Variants in MARCHF4 observed in about 807,000 individuals in gnomAD.
MARCHF4 encodes membrane associated ring-CH-type finger 4.
MARCHF4 carries 14 observed loss-of-function variants against 43.9 expected under a neutral mutation model. That is an observed-to-expected ratio of 0.32 (90% CI 0.21 to 0.50). MARCHF4 has a LOEUF of 0.50. MARCHF4 is among the 20% of genes least tolerant of loss of function. The probability of loss-of-function intolerance (pLI) is 0.98; values close to 1 mark genes in which losing one functional copy is unlikely to be tolerated. For missense variants in MARCHF4, 468 were observed against 536.7 expected (o/e 0.87, Z 1.27); for synonymous variants, 226 against 213.3 (o/e 1.06, Z -0.52).
chr2:216,291,914 A>C (rs190006545), intron 1 of MARCHF4, among the ~76,000 whole-genome samples: 1 of 152,084 alleles, frequency 6.6e-6, no homozygotes, highest in African/African-American at 2.4e-5. Flanking sequence ...CTGTCCACCA[A>C]ATTTACCCAC....
At chr2:216,272,974 G>A (rs559941485) in intron 3 of MARCHF4, among the ~76,000 whole-genome samples, 1 of 152,354 alleles carries the variant, frequency 6.6e-6, no homozygotes, top group East Asian at 1.9e-4. Flanking sequence ...TTCTCCGAGA[G>A]TCACTGCTCT....
intron 1 of MARCHF4, among the ~76,000 whole-genome samples, chr2:216,345,101 C>G (rs1019318925): frequency 6.6e-6 from 1 of 152,026 alleles, no homozygotes; most frequent in African/African-American, 2.4e-5. Flanking sequence ...AAGTTGGGAA[C>G]AGCTGCTAGG....
At chr2:216,270,776 C>T (rs942153264) in intron 3 of MARCHF4, among the ~76,000 whole-genome samples, 4 of 152,116 alleles carry the variant, frequency 2.6e-5, no homozygotes, top group African/African-American at 9.7e-5. Context: ...ATTCCCCACT[C>T]AAGCCACACT....
chr2:216,286,561 A>C (rs1212667603), intron 1 of MARCHF4, among the ~76,000 whole-genome samples: 4 of 151,972 alleles, frequency 2.6e-5, no homozygotes, highest in East Asian at 3.9e-4. Context: ...AAGCAAGGAC[A>C]ACAAACTGTT....
At chr2:216,325,005 G>A (rs1363727213) in intron 1 of MARCHF4, among the ~76,000 whole-genome samples, 20 of 151,876 alleles carry the variant, frequency 1.3e-4, no homozygotes, top group Non-Finnish European at 2.4e-4. Flanking sequence ...TATTCAATTA[G>A]GAGAAGAGGA....
intron 1 of MARCHF4, among the ~76,000 whole-genome samples, chr2:216,320,900 C>T (rs372993685): frequency 5.8e-4 from 83 of 143,900 alleles, no homozygotes; most frequent in South Asian, 2.0e-3. Flanking sequence ...AGTCTGGTCT[C>T]GAACTCCTGA....
chr2:216,277,757 G>A lies in MARCHF4; in HGVS notation c.780C>T (p.Phe260=), dbSNP rs139354980. The A allele has an allele frequency of 3.1e-6, 5 of 1,614,084 alleles. No individual in the cohort carries two copies. The African/African-American group carries it at 6.7e-5, about 22-fold the overall frequency. Residue 260 remains phenylalanine, a synonymous_variant, in exon 3 of 4, where the codon TTC becomes TTT. Transcript: ENST00000273067. ...GGCGCTGCCATCTTGCCGAGGGGCT[G>A]AAAGTTGACCAGATGAGCCAAGAAA... ...ASISWLIWST[F]SPSARWQRQD... is the part of the protein sequence containing the mutation.
At chr2:216,291,146 CAGG>C (rs1406768827) in intron 1 of MARCHF4, among the ~76,000 whole-genome samples, 1 of 151,912 alleles carries the variant, frequency 6.6e-6, no homozygotes, top group East Asian at 1.9e-4. Context: ...GTTTAGAGGT[CAGG>C]AGATGTAGAA....
chr2:216,304,580 T>G (rs6756522), intron 1 of MARCHF4, among the ~76,000 whole-genome samples: 1 of 152,172 alleles, frequency 6.6e-6, no homozygotes, highest in Non-Finnish European at 1.5e-5. Context: ...AAATAGGAGA[T>G]GCATCATTCC....
chr2:216,283,789 A>T, intron 1 of MARCHF4, 60 bp from the exon 2 acceptor site: 5 of 1,494,672 alleles, frequency 3.3e-6, no homozygotes, highest in African/African-American at 1.4e-5. Context: ...TGGGTGAGTG[A>T]TGGGCGGGAG....
At chr2:216,316,247 A>C (rs958022036) in intron 1 of MARCHF4, among the ~76,000 whole-genome samples, 1 of 152,186 alleles carries the variant, frequency 6.6e-6, no homozygotes, top group African/African-American at 2.4e-5. Flanking sequence ...TAGAAAGGTC[A>C]CTTGTCCTGA....
chr2:216,354,923 C>CTTTG (rs1264637383), intron 1 of MARCHF4, among the ~76,000 whole-genome samples: 2 of 121,840 alleles, frequency 1.6e-5, no homozygotes, highest in Non-Finnish European at 3.3e-5. Context: ...TTCTTTCTTT[C>CTTTG]TTTCTTTCTT....
At chr2:216,367,082 T>C (rs1011681829) in intron 1 of MARCHF4, among the ~76,000 whole-genome samples, 2 of 152,138 alleles carry the variant, frequency 1.3e-5, no homozygotes, top group African/African-American at 2.4e-5. Context: ...TTTTTGGCAG[T>C]CGTTTAGCCC....
intron 1 of MARCHF4, among the ~76,000 whole-genome samples, chr2:216,312,614 T>G (rs1183383486): frequency 6.6e-6 from 1 of 152,240 alleles, no homozygotes; most frequent in African/African-American, 2.4e-5. Flanking sequence ...CATTGTGGTT[T>G]TAATTTGCAT....
intron 3 of MARCHF4, among the ~76,000 whole-genome samples, chr2:216,259,942 C>T (rs761154623): frequency 2.6e-5 from 4 of 152,212 alleles, no homozygotes; most frequent in Non-Finnish European, 4.4e-5. Context: ...CCCTTCCTGC[C>T]TCGACAAAAT....
intron 1 of MARCHF4, among the ~76,000 whole-genome samples, chr2:216,364,394 C>A (rs1692633561): frequency 6.6e-6 from 1 of 152,136 alleles, no homozygotes; most frequent in Non-Finnish European, 1.5e-5. Flanking sequence ...CTTATAGTCC[C>A]TTTGCAGTGC....
chr2:216,361,425 C>T (rs1692577143), intron 1 of MARCHF4, among the ~76,000 whole-genome samples: 1 of 152,178 alleles, frequency 6.6e-6, no homozygotes, highest in African/African-American at 2.4e-5. Context: ...CTTGCTGTTA[C>T]ATATTGGGCA....
intron 2 of MARCHF4, among the ~76,000 whole-genome samples, chr2:216,281,850 A>G (rs1177838485): frequency 1.3e-5 from 2 of 152,174 alleles, no homozygotes; most frequent in Non-Finnish European, 2.9e-5. Context: ...ATAGATCCAT[A>G]TTGCTAACAC....
rs564248795 is a variant in MARCHF4 at position 216,330,150 on chromosome 2, T to C, written c.516+39595A>G. Among the ~76,000 whole-genome samples, 5 of 152,174 alleles carry C rather than the reference T, an allele frequency of 3.3e-5. No homozygotes were observed. In the East Asian group the frequency reaches 7.7e-4, roughly 24 times the overall value. On this transcript the variant is annotated intron_variant, in intron 1 of 3. Transcript: ENST00000273067. ...TCAAAAGAAAACTGTGTAGCTATAC[T>C]GATACCAGGCAAAGTAGATTTATAG...
Sources: allele counts gnomAD v4.1 joint callset (sites outside exome capture counted in the v4.1 genomes callset), GRCh38; gene constraint gnomAD v4.1.1; transcripts MANE v1.5; gene names NCBI Gene and HGNC (gene_info 2026-07-23, HGNC 2026-07-21).